NDST3: variants seen among roughly 807,000 people sequenced by gnomAD.
NDST3 encodes N-deacetylase and N-sulfotransferase 3.
Under a neutral mutation model 96.1 loss-of-function variants are expected in NDST3, and 58 were observed. That is an observed-to-expected ratio of 0.60 (90% CI 0.49 to 0.75). NDST3 has a LOEUF of 0.75. NDST3 is among the 30% of genes least tolerant of loss of function. NDST3 has a pLI of 0.00. For synonymous variants in NDST3, 333 were observed against 359.7 expected (o/e 0.93, Z 0.84); for missense variants, 788 against 1,034.2 (o/e 0.76, Z 3.27).
intron 2 of NDST3, among the ~76,000 whole-genome samples, chr4:118,096,716 T>TAGAC (rs1255933534): frequency 6.8e-5 from 10 of 147,274 alleles, no homozygotes; most frequent in African/African-American, 2.5e-4. Context: ...GATAGACAGT[T>TAGAC]AGGCAGATGT....
chr4:118,246,844 C>T (rs1488707161), intron 12 of NDST3, among the ~76,000 whole-genome samples: 1 of 152,110 alleles, frequency 6.6e-6, no homozygotes, highest in Non-Finnish European at 1.5e-5. Flanking sequence ...CAGCTGGTCC[C>T]GCCCTTGACA....
At chr4:118,175,571 T>C (rs1736224780) in intron 6 of NDST3, among the ~76,000 whole-genome samples, 1 of 148,718 alleles carries the variant, frequency 6.7e-6, no homozygotes, top group South Asian at 2.2e-4. Flanking sequence ...CACAAGAAGA[T>C]TAAAATGACT....
intron 6 of NDST3, among the ~76,000 whole-genome samples, chr4:118,217,343 T>C (rs1739255404): frequency 6.6e-6 from 1 of 152,074 alleles, no homozygotes; most frequent in Non-Finnish European, 1.5e-5. Flanking sequence ...CACTGAACTT[T>C]ATTCAACTCA....
At chr4:118,049,328 C>G (rs151300609) in intron 1 of NDST3, among the ~76,000 whole-genome samples, 1 of 151,734 alleles carries the variant, frequency 6.6e-6, no homozygotes, top group East Asian at 1.9e-4. Context: ...AATAAAGGAA[C>G]AAACATACCC....
At chr4:118,223,772 T>C (rs1393175296) in intron 6 of NDST3, among the ~76,000 whole-genome samples, 1 of 152,132 alleles carries the variant, frequency 6.6e-6, no homozygotes. Context: ...ACATTATATA[T>C]TTTAGGAAAG....
At chr4:118,146,001 G>A (rs1733914782) in intron 6 of NDST3, among the ~76,000 whole-genome samples, 1 of 152,220 alleles carries the variant, frequency 6.6e-6, no homozygotes, top group African/African-American at 2.4e-5. Flanking sequence ...AGTTAGTGAT[G>A]TCTGTCTTGG....
chr4:118,071,822 G>T (rs1478550700), intron 2 of NDST3, among the ~76,000 whole-genome samples: 1 of 152,060 alleles, frequency 6.6e-6, no homozygotes, highest in Non-Finnish European at 1.5e-5. Context: ...AGTTATTTGA[G>T]AAATTGCCAA....
chr4:118,120,509 T>C (rs765862692), intron 4 of NDST3, among the ~76,000 whole-genome samples: 1 of 152,120 alleles, frequency 6.6e-6, no homozygotes, highest in Non-Finnish European at 1.5e-5. Flanking sequence ...ATCAAAGAGA[T>C]AGTTGCTCAA....
At chr4:118,242,421 A>C (rs931295700) in intron 12 of NDST3, among the ~76,000 whole-genome samples, 1 of 152,254 alleles carries the variant, frequency 6.6e-6, no homozygotes, top group Non-Finnish European at 1.5e-5. Flanking sequence ...CACAAACCTT[A>C]AAAGAAGTTA....
intron 5 of NDST3, among the ~76,000 whole-genome samples, chr4:118,139,268 G>A (rs1390504133): frequency 6.6e-6 from 1 of 152,212 alleles, no homozygotes; most frequent in African/African-American, 2.4e-5. Context: ...ACCAGAGGGA[G>A]TTTAGAAGAC....
At position 118,119,186 on chromosome 4, in the gene NDST3, T is replaced by C. The variant is rs1449143220; in HGVS notation, c.1224+4226T>C. Among the ~76,000 whole-genome samples, 8 of 152,218 alleles carry C rather than the reference T, an allele frequency of 5.3e-5. No homozygotes were observed. The East Asian group carries it at 1.5e-3, about 29-fold the overall frequency. On this transcript the variant is annotated intron_variant, in intron 4 of 13. Coordinates refer to ENST00000296499, the MANE Select transcript of NDST3 (RefSeq NM_004784.3). ...TCTCTTTTCCAAGTGCAGCAGAACC[T>C]GTTAATTTACATTAGCTGGAATGTC... is the stretch of plus-strand genomic sequence containing the variant.
chr4:118,171,098 T>C (rs1418244673), intron 6 of NDST3, among the ~76,000 whole-genome samples: 2 of 152,196 alleles, frequency 1.3e-5, no homozygotes, highest in Non-Finnish European at 2.9e-5. Flanking sequence ...CTACTTTTAA[T>C]TGATGTTTCA....
At chr4:118,140,635 C>T (rs1733498023) in intron 5 of NDST3, among the ~76,000 whole-genome samples, 3 of 152,180 alleles carry the variant, frequency 2.0e-5, no homozygotes, top group Admixed American at 2.0e-4. Context: ...CATAGTTCAG[C>T]ATGGCTGGGG....
intron 6 of NDST3, among the ~76,000 whole-genome samples, chr4:118,215,623 G>A (rs1166812417): frequency 7.4e-6 from 1 of 134,436 alleles, no homozygotes; most frequent in Non-Finnish European, 1.8e-5. Flanking sequence ...ATGAGGGAAG[G>A]ACCAGTGGAG....
intron 6 of NDST3, among the ~76,000 whole-genome samples, chr4:118,148,094 C>G (rs1474273476): frequency 1.3e-5 from 2 of 152,230 alleles, no homozygotes; most frequent in Admixed American, 1.3e-4. Flanking sequence ...GTCAGGAGAT[C>G]AAGACCATCC....
chr4:118,118,450 A>T (rs367590825), intron 4 of NDST3, among the ~76,000 whole-genome samples: 100 of 152,332 alleles, frequency 6.6e-4, no homozygotes, highest in South Asian at 6.2e-3. Flanking sequence ...CTTTGCTATC[A>T]TCATTTACAG....
intron 2 of NDST3, among the ~76,000 whole-genome samples, chr4:118,097,819 G>GTT (rs1729465233): frequency 1.3e-5 from 2 of 151,544 alleles, no homozygotes; most frequent in Non-Finnish European, 2.9e-5. Context: ...ATCTTTATGA[G>GTT]TTTATTGCCT....
chr4:118,197,979 T>A (rs1378409090), intron 6 of NDST3, among the ~76,000 whole-genome samples: 1 of 152,016 alleles, frequency 6.6e-6, no homozygotes, highest in Non-Finnish European at 1.5e-5. Context: ...TTTGTATTTT[T>A]AGTAGAGACA....
In NDST3 at chr4:118,066,290, TTA is replaced by T. The variant is rs1420918741; in HGVS notation, c.981+11407_981+11408del. ...TTATATATATTATATATTATATATA[TTA>T]TATATATTATGTATTATATATATTA... On this transcript the variant is annotated intron_variant, in intron 2 of 13. Transcript: ENST00000296499. Among the ~76,000 whole-genome samples the T allele has an allele frequency of 3.1e-4, 3 of 9,576 alleles. 1 individual carries two copies. The highest frequency in any genetic ancestry group is 4.5e-4 in the African/African-American group (3 of 6,698). The allele number at this position is 9,576 out of a possible 152,430, so 6.3% of individuals were successfully genotyped here.
Sources: allele counts gnomAD v4.1 joint callset (sites outside exome capture counted in the v4.1 genomes callset), GRCh38; gene constraint gnomAD v4.1.1; transcripts MANE v1.5; gene names NCBI Gene and HGNC (gene_info 2026-07-23, HGNC 2026-07-21).